RASGRF1: variants seen among roughly 807,000 people sequenced by gnomAD.
The protein encoded by RASGRF1 is Ras protein specific guanine nucleotide releasing factor 1, also known as ras-specific guanine nucleotide-releasing factor 1.
A neutral mutation model predicts 138.7 loss-of-function variants in RASGRF1; 40 were observed. That is an observed-to-expected ratio of 0.29 (90% confidence interval 0.22 to 0.38). The LOEUF is 0.38. Among genes scored for constraint, RASGRF1 ranks in the 10% least tolerant of loss-of-function variants. RASGRF1 has a pLI of 1.00. For missense variants in RASGRF1, 1,108 were observed against 1,650.4 expected (o/e 0.67, Z 5.69); for synonymous variants, 614 against 663.2 (o/e 0.93, Z 1.14).
chr15:79,088,534 G>C (rs2058011670), intron 1 of RASGRF1, among the ~76,000 whole-genome samples: 1 of 152,158 alleles, frequency 6.6e-6, no homozygotes, highest in African/African-American at 2.4e-5. Flanking sequence ...TCACGTCCAG[G>C]GGGCTGAGAA....
chr15:79,017,208 A>G (rs1406185311), intron 12 of RASGRF1, among the ~76,000 whole-genome samples: 1 of 152,224 alleles, frequency 6.6e-6, no homozygotes, highest in East Asian at 1.9e-4. Flanking sequence ...AATAGGGTGA[A>G]TGACCCTAAT....
At chr15:78,976,224 G>A (rs373304024) in intron 24 of RASGRF1, among the ~76,000 whole-genome samples, 1 of 152,074 alleles carries the variant, frequency 6.6e-6, no homozygotes, top group African/African-American at 2.4e-5. Context: ...ATTTGCAATC[G>A]AATCACTTGC....
At chr15:79,003,575 G>A (rs1160602903) in intron 15 of RASGRF1, among the ~76,000 whole-genome samples, 1 of 152,208 alleles carries the variant, frequency 6.6e-6, no homozygotes, top group African/African-American at 2.4e-5. Context: ...GCGATGCCCT[G>A]GGAATTTCTG....
At chr15:78,968,227 CT>C (rs2055680799) in intron 26 of RASGRF1, among the ~76,000 whole-genome samples, 1 of 137,030 alleles carries the variant, frequency 7.3e-6, no homozygotes, top group African/African-American at 2.7e-5. Flanking sequence ...GTGTTTTAGT[CT>C]TTTTTATTTT....
At chr15:78,986,128 C>A (rs2056151594) in intron 22 of RASGRF1, among the ~76,000 whole-genome samples, 1 of 152,046 alleles carries the variant, frequency 6.6e-6, no homozygotes, top group Admixed American at 6.6e-5. Context: ...CACTTTGAAG[C>A]ACTGCTGGTC....
intron 4 of RASGRF1, among the ~76,000 whole-genome samples, chr15:79,047,985 G>C (rs895563858): frequency 3.9e-5 from 6 of 152,038 alleles, no homozygotes; most frequent in African/African-American, 1.4e-4. Context: ...TATCTCTGAA[G>C]ATAGGAAGGG....
chr15:78,983,443 A>G (rs147110251), intron 23 of RASGRF1, among the ~76,000 whole-genome samples: 3 of 152,206 alleles, frequency 2.0e-5, no homozygotes, highest in Non-Finnish European at 4.4e-5. Flanking sequence ...GGATGGCCAA[A>G]CTCATTCCCT....
rs76445495 is a variant in RASGRF1 at position 79,072,149 on chromosome 15, G to C, written c.277-7623C>G. Among the ~76,000 whole-genome samples, 1,109 of 152,104 alleles carry C rather than the reference G, an allele frequency of 7.3e-3. 17 individuals are homozygous for C. Among genetic ancestry groups the C allele is most frequent in the African/African-American group, 0.025 (1,056 of 41,530 alleles). ...AGTCAGGCCAGCTCAGCTCCCTGGAGCTCTGAGATAGCTGGAGAGAACTGA... is the reference window on the plus strand; with the variant it reads ...AGTCAGGCCAGCTCAGCTCCCTGGACCTCTGAGATAGCTGGAGAGAACTGA... On this transcript the variant is annotated intron_variant, in intron 1 of 26. Transcript: ENST00000558480.
chr15:79,089,488 CGGCGGCGGCGGCGCAGGG>C (rs1205766854), intron 1 of RASGRF1, among the ~76,000 whole-genome samples: 1 of 152,248 alleles, frequency 6.6e-6, no homozygotes, highest in Non-Finnish European at 1.5e-5. Context: ...GCGACTGCGG[CGGCGGCGGCGGCGCAGGG>C]GGCGGGGGAG....
chr15:79,076,907 C>T (rs962453721), intron 1 of RASGRF1, among the ~76,000 whole-genome samples: 8 of 152,174 alleles, frequency 5.3e-5, no homozygotes, highest in African/African-American at 1.7e-4. Flanking sequence ...TGACTGAATG[C>T]GTTTGTCACC....
chr15:79,007,404 T>C (rs565782634), intron 13 of RASGRF1, among the ~76,000 whole-genome samples: 1 of 152,356 alleles, frequency 6.6e-6, no homozygotes, highest in African/African-American at 2.4e-5. Flanking sequence ...ATTTTTTGGA[T>C]GTTGTGAGTC....
intron 10 of RASGRF1, among the ~76,000 whole-genome samples, chr15:79,024,392 A>G (rs911393806): frequency 2.6e-5 from 4 of 151,720 alleles, no homozygotes; most frequent in Admixed American, 1.3e-4. Context: ...ACACAAATAC[A>G]CACATCATAT....
chr15:79,035,069 C>T, intron 6 of RASGRF1, 62 bp downstream of exon 6: 1 of 1,433,112 alleles, frequency 7.0e-7, no homozygotes, highest in Non-Finnish European at 9.6e-7. Context: ...CTGCCCCAGG[C>T]TTTTGGGGTG....
intron 4 of RASGRF1, among the ~76,000 whole-genome samples, chr15:79,048,254 A>G (rs939501380): frequency 6.6e-6 from 1 of 152,088 alleles, no homozygotes; most frequent in Admixed American, 6.5e-5. Flanking sequence ...GCGTGAGGCT[A>G]GCTGGGGGTG....
At chr15:79,071,447 C>A (rs915617306) in intron 1 of RASGRF1, among the ~76,000 whole-genome samples, 1 of 151,852 alleles carries the variant, frequency 6.6e-6, no homozygotes. Flanking sequence ...GCAACCTCCA[C>A]CTTCCAGGTT....
At chr15:78,995,686 G>A in intron 20 of RASGRF1, 54 bp downstream of exon 20, 1 of 1,595,910 alleles carries the variant, frequency 6.3e-7, no homozygotes, top group Non-Finnish European at 8.6e-7. Flanking sequence ...AGGGGTCCTG[G>A]GCAGGAGGAT....
chr15:79,017,287 A>G (rs890047093), intron 12 of RASGRF1, among the ~76,000 whole-genome samples: 9 of 152,340 alleles, frequency 5.9e-5, no homozygotes, highest in African/African-American at 1.9e-4. Flanking sequence ...GATCTTAGGT[A>G]GCTGCCCCGA....
chr15:78,987,687 CTG>C (rs1404937621), intron 22 of RASGRF1, among the ~76,000 whole-genome samples: 2 of 152,036 alleles, frequency 1.3e-5, no homozygotes, highest in African/African-American at 4.8e-5. Context: ...CAGAGGGAGA[CTG>C]TGTCTTAAAC....
intron 11 of RASGRF1, among the ~76,000 whole-genome samples, chr15:79,018,466 A>G (rs374246168): frequency 3.3e-5 from 5 of 152,240 alleles, no homozygotes; most frequent in African/African-American, 7.2e-5. Flanking sequence ...TTATTTGGAA[A>G]AACTAAAACC....
Sources: gnomAD v4.1 joint callset for allele counts (sites outside exome capture counted in the v4.1 genomes callset) on GRCh38, gnomAD v4.1.1 for gene constraint, MANE v1.5 for transcripts, NCBI Gene and HGNC (gene_info 2026-07-23, HGNC 2026-07-21) for gene names.